PRKN: variants seen among roughly 807,000 people sequenced by gnomAD.
PRKN encodes E3 ubiquitin-protein ligase parkin.
In PRKN, 56 loss-of-function variants were observed where a neutral mutation model predicts 59.5. The observed-to-expected ratio is 0.94, with a 90% CI of 0.76 to 1.18. The LOEUF (loss-of-function observed/expected upper bound fraction) is 1.18. Ranked by LOEUF, PRKN falls within the 50% of genes most tolerant of loss-of-function variation. The pLI, the probability that PRKN is intolerant of heterozygous loss-of-function variation, is 0.00. For missense variants in PRKN, 657 were observed against 596.4 expected (o/e 1.10, Z -1.06); for synonymous variants, 250 against 222.1 (o/e 1.13, Z -1.12).
At chr6:162,062,416 T>C (rs1778138588) in intron 4 of PRKN, among the ~76,000 whole-genome samples, 2 of 152,204 alleles carry the variant, frequency 1.3e-5, no homozygotes, top group Non-Finnish European at 2.9e-5. Flanking sequence ...AGGGTTATTT[T>C]GGGGGTTATG....
intron 1 of PRKN, among the ~76,000 whole-genome samples, chr6:162,504,517 T>A (rs1198050590): frequency 6.6e-6 from 1 of 152,140 alleles, no homozygotes; most frequent in Admixed American, 6.6e-5. Context: ...TACATAGATA[T>A]GACATCTTGG....
intron 7 of PRKN, among the ~76,000 whole-genome samples, chr6:161,617,238 C>T (rs1782731632): frequency 6.6e-6 from 1 of 152,080 alleles, no homozygotes; most frequent in African/African-American, 2.4e-5. Flanking sequence ...TATCCTTCAC[C>T]CACTTTTTGA....
At chr6:162,339,728 G>C (rs532639635) in intron 2 of PRKN, among the ~76,000 whole-genome samples, 1 of 152,080 alleles carries the variant, frequency 6.6e-6, no homozygotes, top group Admixed American at 6.5e-5. Flanking sequence ...TTGAGAAATC[G>C]GATGGTTGCC....
At position 161,499,984 on chromosome 6, in the gene PRKN, C is replaced by T. The variant is rs1777897714; in HGVS notation, c.1083+48870G>A. ...TGCTGCCCTCACTCTCCTCCTTCCC[C>T]ACTTTTGTTCATGCAGTGTCTTTGC... On this transcript the variant is annotated intron_variant, in intron 9 of 11. Transcript: ENST00000366898. This position sits in a 1 kb window ranked among gnomAD's most constrained non-coding sequence, Gnocchi z 4.2. 2.6e-5 allele frequency among the ~76,000 whole-genome samples: 4 copies of T among 152,202 alleles called. No homozygotes were observed.
intron 6 of PRKN, among the ~76,000 whole-genome samples, chr6:161,817,569 G>C (rs1435572050): frequency 6.6e-6 from 1 of 152,138 alleles, no homozygotes; most frequent in Admixed American, 6.5e-5. Flanking sequence ...TCCTTACATG[G>C]TAAAATGAAA....
intron 1 of PRKN, among the ~76,000 whole-genome samples, chr6:162,597,432 T>C (rs1027577074): frequency 6.6e-6 from 1 of 152,228 alleles, no homozygotes; most frequent in Admixed American, 6.5e-5. Context: ...CTTAAATATT[T>C]TTCCCAACTC....
At chr6:162,259,943 T>C (rs1779815420) in intron 3 of PRKN, among the ~76,000 whole-genome samples, 1 of 152,204 alleles carries the variant, frequency 6.6e-6, no homozygotes, top group Admixed American at 6.5e-5. Flanking sequence ...CCAGTTCTAA[T>C]GAGCAGGAGA....
chr6:161,999,254 T>A (rs1331524549), intron 5 of PRKN, among the ~76,000 whole-genome samples: 1 of 152,018 alleles, frequency 6.6e-6, no homozygotes, highest in Non-Finnish European at 1.5e-5. Context: ...TCTGGATAAA[T>A]GTAAAATTGA....
In PRKN at chr6:161,566,497, C is replaced by G. The variant is rs1269646937; in HGVS notation, c.933+2858G>C. 6.6e-6 allele frequency among the ~76,000 whole-genome samples: 1 copy of G among 152,170 alleles called. No homozygotes were observed. ...TATTGGCTCACTGCAACCTCCGCCT[C>G]CCAGGCTCAAGCAATTCTCCTGCCT... On this transcript the variant is annotated intron_variant, in intron 8 of 11. Transcript: ENST00000366898. This position sits in a 1 kb window ranked among gnomAD's most constrained non-coding sequence, Gnocchi z 4.1.
rs71004062 is a variant in PRKN at position 161,703,839 on chromosome 6, C to CTT, written c.871+81931_871+81932dup. Among the ~76,000 whole-genome samples, 288 of 59,848 alleles carry CTT rather than the reference C, an allele frequency of 4.8e-3. 26 individuals carry two copies. Among genetic ancestry groups the CTT allele is most frequent in the Non-Finnish European group, 6.1e-3 (193 of 31,550 alleles). The allele number at this position is 59,848 out of a possible 152,430, so 39.3% of individuals were successfully genotyped here. ...CACACATCTCTCTCTCTCTCTCTCT[C>CTT]TTTTTTTTTTTTTTTTTTTTTTTTT... is the stretch of plus-strand genomic sequence containing the variant. On this transcript the variant is annotated intron_variant, in intron 7 of 11. Coordinates refer to ENST00000366898, the MANE Select transcript of PRKN (RefSeq NM_004562.3).
intron 1 of PRKN, among the ~76,000 whole-genome samples, chr6:162,628,035 G>T (rs1782965656): frequency 6.6e-6 from 1 of 152,104 alleles, no homozygotes; most frequent in Admixed American, 6.6e-5. Flanking sequence ...GAGGTCGACA[G>T]AAGAAAATAC....
chr6:162,569,571 G>A (rs1417950303), intron 1 of PRKN: 2 of 717,396 alleles, frequency 2.8e-6, no homozygotes, highest in Non-Finnish European at 5.2e-6. Context: ...GGTCTCACAA[G>A]CCCTGGCCTC....
At chr6:162,477,890 T>C (rs986580528) in intron 1 of PRKN, among the ~76,000 whole-genome samples, 1 of 152,192 alleles carries the variant, frequency 6.6e-6, no homozygotes, top group Non-Finnish European at 1.5e-5. Flanking sequence ...CTTGCTGTTG[T>C]TTGGCAACAC....
At chr6:162,106,774 G>A (rs745526682) in intron 4 of PRKN, among the ~76,000 whole-genome samples, 7 of 152,130 alleles carry the variant, frequency 4.6e-5, no homozygotes, top group Admixed American at 2.0e-4. Context: ...ACCTTGTCCT[G>A]GGGACTGAAC....
intron 1 of PRKN, among the ~76,000 whole-genome samples, chr6:162,648,384 CTTTTTTTA>C (rs1419970652): frequency 1.4e-5 from 2 of 144,486 alleles, no homozygotes; most frequent in Non-Finnish European, 3.0e-5. Flanking sequence ...GGTGTTCTTT[CTTTTTTTA>C]TTTTTTTAAG....
rs1790924731 is a variant in PRKN at position 161,473,903 on chromosome 6, C to T, written c.1083+74951G>A. Among the ~76,000 whole-genome samples, 4 of 151,940 alleles carry T rather than the reference C, an allele frequency of 2.6e-5. No homozygotes were observed. The highest frequency in any genetic ancestry group is 2.6e-4 in the Admixed American group (4 of 15,244). ...GGAGTGGCATTTTTATATACAAGATCGCTAGGATGGAGGGCATGACTTGTG... is the reference window on the plus strand; with the variant it reads ...GGAGTGGCATTTTTATATACAAGATTGCTAGGATGGAGGGCATGACTTGTG... On this transcript the variant is annotated intron_variant, in intron 9 of 11. Transcript: ENST00000366898. The surrounding 1 kb of genome is among the most constrained non-coding windows in gnomAD (Gnocchi z 4.1).
At chr6:162,726,262 G>A (rs1246177461) in intron 1 of PRKN, among the ~76,000 whole-genome samples, 1 of 152,108 alleles carries the variant, frequency 6.6e-6, no homozygotes, top group Non-Finnish European at 1.5e-5. Context: ...AAAATAAAAT[G>A]TATTTAACTG....
At chr6:162,012,837 G>T (rs1395902136) in intron 5 of PRKN, among the ~76,000 whole-genome samples, 1 of 152,022 alleles carries the variant, frequency 6.6e-6, no homozygotes, top group Non-Finnish European at 1.5e-5. Flanking sequence ...CTCAATCTGG[G>T]TTTGTCTGAT....
intron 1 of PRKN, among the ~76,000 whole-genome samples, chr6:162,643,412 A>AAAAG (rs1554257307): frequency 0.013 from 1,838 of 139,294 alleles, 89 homozygotes; most frequent in African/African-American, 0.024. Flanking sequence ...AAAAAAAAAA[A>AAAAG]AAAGAAAGAA....
Sources: gnomAD v4.1 joint callset for allele counts (sites outside exome capture counted in the v4.1 genomes callset) on GRCh38, gnomAD v4.1.1 for gene constraint, Gnocchi (gnomAD v3.1) non-coding constraint, MANE v1.5 for transcripts, NCBI Gene and HGNC (gene_info 2026-07-23, HGNC 2026-07-21) for gene names.